The following NTRK3 variants were observed in gnomAD, a reference collection of about 807,000 sequenced individuals.
NTRK3 encodes the protein neurotrophic receptor tyrosine kinase 3.
Under a neutral mutation model 91.7 loss-of-function variants are expected in NTRK3, and 24 were observed. The ratio of observed to expected loss-of-function variants is 0.26; its 90% confidence interval spans 0.19 to 0.37. NTRK3 has a LOEUF of 0.37. Among genes scored for constraint, NTRK3 ranks in the 10% least tolerant of loss-of-function variants. The pLI, the probability that NTRK3 is intolerant of heterozygous loss-of-function variation, is 1.00. For missense variants in NTRK3, 880 were observed against 1,068.9 expected (o/e 0.82, Z 2.46); for synonymous variants, 483 against 404.0 (o/e 1.20, Z -2.34).
chr15:88,006,350 C>T (rs889114928), intron 14 of NTRK3, among the ~76,000 whole-genome samples: 1 of 152,172 alleles, frequency 6.6e-6, no homozygotes. Context: ...GGTGTCTTTC[C>T]AGGCAAAGTG....
chr15:88,121,433 G>C (rs953193778), intron 13 of NTRK3, among the ~76,000 whole-genome samples: 1 of 152,104 alleles, frequency 6.6e-6, no homozygotes, highest in Non-Finnish European at 1.5e-5. Flanking sequence ...TCTTCACCTG[G>C]AAATACGGAT....
intron 6 of NTRK3, among the ~76,000 whole-genome samples, chr15:88,144,536 G>A (rs1333167503): frequency 6.6e-6 from 1 of 152,176 alleles, no homozygotes; most frequent in Non-Finnish European, 1.5e-5. Flanking sequence ...TGTAGGGTGT[G>A]TTGCTTGAGT....
At chr15:88,182,444 G>C (rs575651678) in intron 5 of NTRK3, among the ~76,000 whole-genome samples, 1 of 152,024 alleles carries the variant, frequency 6.6e-6, no homozygotes, top group South Asian at 2.1e-4. Flanking sequence ...GCTGCCCTCC[G>C]TTACCAAATG....
chr15:88,096,237 G>A (rs542119554), intron 13 of NTRK3, among the ~76,000 whole-genome samples: 1 of 152,144 alleles, frequency 6.6e-6, no homozygotes, highest in African/African-American at 2.4e-5. Context: ...CCCCAATCCT[G>A]ACCAGCCCTC....
intron 3 of NTRK3, among the ~76,000 whole-genome samples, chr15:88,208,286 T>C (rs1472996486): frequency 1.3e-5 from 2 of 151,872 alleles, no homozygotes; most frequent in Non-Finnish European, 2.9e-5. Context: ...CTCATCTGAC[T>C]CCTGCTTGGT....
chr15:88,160,893 C>A (rs556822836), intron 5 of NTRK3, among the ~76,000 whole-genome samples: 1 of 152,286 alleles, frequency 6.6e-6, no homozygotes, highest in Admixed American at 6.5e-5. Flanking sequence ...AGCTCTGACC[C>A]TCCTGAGTTG....
At chr15:88,028,328 A>T (rs983101975) in intron 14 of NTRK3, among the ~76,000 whole-genome samples, 13 of 152,318 alleles carry the variant, frequency 8.5e-5, no homozygotes, top group Non-Finnish European at 1.6e-4. Flanking sequence ...GGCTGACACA[A>T]ACCCTCAATA....
rs138961664 is a variant in NTRK3, at chr15:87,900,777, C to T, written c.2134-20349G>A. On this transcript the variant is annotated intron_variant, in intron 17 of 18. Transcript: ENST00000394480. ...CATGGGCCAGAATTCAGGAGCTCCA[C>T]GGCCCTGCCTTAGTTTGCATCATAC... Among the ~76,000 whole-genome samples the T allele has an allele frequency of 5.3e-5, 8 of 151,128 alleles. No individual in the cohort carries two copies. In the East Asian group the frequency reaches 9.8e-4, roughly 19 times the overall value.
intron 13 of NTRK3, among the ~76,000 whole-genome samples, chr15:88,043,205 C>T (rs1172813380): frequency 6.6e-6 from 1 of 152,118 alleles, no homozygotes; most frequent in Non-Finnish European, 1.5e-5. Flanking sequence ...TCAGACTTCT[C>T]CAAAGACTCT....
chr15:88,071,300 C>G (rs2047069368), intron 13 of NTRK3, among the ~76,000 whole-genome samples: 1 of 152,250 alleles, frequency 6.6e-6, no homozygotes, highest in Admixed American at 6.5e-5. Flanking sequence ...GGAGGCCTCT[C>G]TTCACCTTGC....
intron 17 of NTRK3, among the ~76,000 whole-genome samples, chr15:87,882,401 TAAC>T (rs887270103): frequency 1.8e-4 from 27 of 152,064 alleles, no homozygotes; most frequent in African/African-American, 6.3e-4. Flanking sequence ...TATTGGAACA[TAAC>T]AAAAAATGCA....
chr15:88,037,914 A>G (rs1363396821), intron 13 of NTRK3, among the ~76,000 whole-genome samples: 1 of 152,220 alleles, frequency 6.6e-6, no homozygotes, highest in African/African-American at 2.4e-5. Context: ...TGACCTGCCC[A>G]AGGACAGATG....
intron 17 of NTRK3, among the ~76,000 whole-genome samples, chr15:87,921,661 G>T (rs1478836164): frequency 6.6e-6 from 1 of 152,132 alleles, no homozygotes; most frequent in Non-Finnish European, 1.5e-5. Context: ...GAGCTCTCCA[G>T]TCTTAATCTC....
At position 87,916,636 on chromosome 15, in the gene NTRK3, C is replaced by T. The variant is rs565946358; in HGVS notation, c.2133+12555G>A. On this transcript the variant is annotated intron_variant, in intron 17 of 18. Transcript: ENST00000394480. ...ACTAAGTTTAGGAGATAACTAGAAACCACCCTCAGAAATAGGTTATTATTT... is the reference window on the plus strand; with the variant it reads ...ACTAAGTTTAGGAGATAACTAGAAATCACCCTCAGAAATAGGTTATTATTT... 48 of 698,318 alleles carry T rather than the reference C, an allele frequency of 6.9e-5. No homozygotes were observed. In the African/African-American group the frequency reaches 7.4e-4, roughly 11 times the overall value. The allele number at this position is 698,318 out of a possible 1,614,324, so 43.3% of individuals were successfully genotyped here.
intron 17 of NTRK3, among the ~76,000 whole-genome samples, chr15:87,920,988 TA>T (rs1478395896): frequency 3.9e-5 from 6 of 152,332 alleles, no homozygotes; most frequent in Admixed American, 2.0e-4. Flanking sequence ...GTGTCACTGT[TA>T]ATTTCTTATT....
chr15:88,085,521 G>A (rs765683357), intron 13 of NTRK3, among the ~76,000 whole-genome samples: 20 of 152,258 alleles, frequency 1.3e-4, no homozygotes, highest in African/African-American at 3.9e-4. Context: ...GCACCTTACC[G>A]ACTGCCTGGA....
intron 14 of NTRK3, among the ~76,000 whole-genome samples, chr15:87,993,971 A>C (rs1320428146): frequency 6.6e-6 from 1 of 152,214 alleles, no homozygotes; most frequent in East Asian, 1.9e-4. Context: ...AGGAGCTGAG[A>C]AAGTAAAAAG....
Position 88,039,180 on chromosome 15 carries a change from G to C in NTRK3, c.1397-6135C>G, listed in dbSNP as rs556272657. 2.7e-5 allele frequency among the ~76,000 whole-genome samples: 4 copies of C among 148,690 alleles called. No individual in the cohort carries two copies. The East Asian group carries it at 6.0e-4, about 22-fold the overall frequency. ...ACACACACACGCACAGAAACACACAGCCCGCCTATTACCTGTTATCGGCCT... is the reference window on the plus strand; with the variant it reads ...ACACACACACGCACAGAAACACACACCCCGCCTATTACCTGTTATCGGCCT... On this transcript the variant is annotated intron_variant, in intron 13 of 18. Transcript: ENST00000394480.
chr15:87,997,994 A>C (rs529690734), intron 14 of NTRK3, among the ~76,000 whole-genome samples: 6 of 152,330 alleles, frequency 3.9e-5, no homozygotes, highest in African/African-American at 1.4e-4. Context: ...ATGAGCTCTA[A>C]AGAAGGTAAT....
Sources: gnomAD v4.1 joint callset for allele counts (sites outside exome capture counted in the v4.1 genomes callset) on GRCh38, gnomAD v4.1.1 for gene constraint, MANE v1.5 for transcripts, NCBI Gene and HGNC (gene_info 2026-07-23, HGNC 2026-07-21) for gene names.